TMEM132B: variants seen among roughly 807,000 people sequenced by gnomAD.
TMEM132B encodes the protein transmembrane protein 132B.
Under a neutral mutation model 90.8 loss-of-function variants are expected in TMEM132B, and 18 were observed. The observed-to-expected ratio is 0.20, with a 90% CI of 0.14 to 0.29. The LOEUF is 0.29. TMEM132B is among the 10% of genes least tolerant of loss of function. The probability of loss-of-function intolerance (pLI) is 1.00; values close to 1 mark genes in which losing one functional copy is unlikely to be tolerated. For missense variants in TMEM132B, 1,096 were observed against 1,326.8 expected, an observed-to-expected ratio of 0.83 and a Z score of 2.70; for synonymous variants, 504 against 523.3, an observed-to-expected ratio of 0.96 and a Z score of 0.50.
At chr12:125,592,518 G>A (rs542039234) in intron 5 of TMEM132B, among the ~76,000 whole-genome samples, 11 of 152,262 alleles carry the variant, frequency 7.2e-5, no homozygotes, top group Non-Finnish European at 1.0e-4. Context: ...TGAGGGGTAA[G>A]GTAAGGCAGT....
intron 5 of TMEM132B, among the ~76,000 whole-genome samples, chr12:125,614,816 T>G (rs1050313710): frequency 6.6e-6 from 1 of 152,186 alleles, no homozygotes; most frequent in African/African-American, 2.4e-5. Context: ...TCTAGGTAAC[T>G]TGCTTTCAGT....
intron 3 of TMEM132B, among the ~76,000 whole-genome samples, chr12:125,504,216 A>G (rs1212635501): frequency 6.6e-6 from 1 of 151,772 alleles, no homozygotes; most frequent in Non-Finnish European, 1.5e-5. Context: ...GGAAGGTTAC[A>G]AGAATTCTAA....
At chr12:125,533,460 C>A (rs111881731) in intron 4 of TMEM132B, among the ~76,000 whole-genome samples, 4 of 152,336 alleles carry the variant, frequency 2.6e-5, no homozygotes, top group African/African-American at 9.6e-5. Context: ...AGACAAACAG[C>A]GAGGGAATGT....
rs188226678 is a variant in TMEM132B at position 125,406,800 on chromosome 12, T to C, written c.960-8731T>C. Among the ~76,000 whole-genome samples, 292 of 152,264 alleles carry C rather than the reference T, an allele frequency of 1.9e-3. 1 individual carries two copies. Among genetic ancestry groups the C allele is most frequent in the Non-Finnish European group, 3.3e-3 (224 of 68,014 alleles). ...TCCCCAAGACCACCCTCAGGTTCAG[T>C]AATTTTCTAGAAGGACTCAAAGAAC... On this transcript the variant is annotated intron_variant, in intron 2 of 8. Transcript: ENST00000682704. This position sits in a 1 kb window ranked among gnomAD's most constrained non-coding sequence, Gnocchi z 8.3.
chr12:125,460,441 G>A lies in TMEM132B; in HGVS notation c.1106+44764G>A, dbSNP rs906821882. On this transcript the variant is annotated intron_variant, in intron 3 of 8. Transcript: ENST00000682704. This position sits in a 1 kb window ranked among gnomAD's most constrained non-coding sequence, Gnocchi z 4.4. ...CAGGAGGTGGAGGTTGCAGTGAGCCGAGATCATGCCATTGCACTCCAGCCT... is the reference window on the plus strand; with the variant it reads ...CAGGAGGTGGAGGTTGCAGTGAGCCAAGATCATGCCATTGCACTCCAGCCT... Among the ~76,000 whole-genome samples, 8 of 152,014 alleles carry A rather than the reference G, an allele frequency of 5.3e-5. No individual in the cohort carries two copies. The highest frequency in any genetic ancestry group is 1.9e-4 in the East Asian group (1 of 5,194).
chr12:125,407,397 C>T lies in TMEM132B; in HGVS notation c.960-8134C>T, dbSNP rs1286827054. On this transcript the variant is annotated intron_variant, in intron 2 of 8. Transcript: ENST00000682704. The surrounding 1 kb of genome is among the most constrained non-coding windows in gnomAD (Gnocchi z 6.7). ...AAAAGTGGCTGGTCTAAGTAGAAGA[C>T]AGAAAGATGCAGGTGTGTACTCACA... 6.6e-6 allele frequency among the ~76,000 whole-genome samples: 1 copy of T among 152,188 alleles called. No homozygotes were observed. Among genetic ancestry groups the T allele is most frequent in the Non-Finnish European group, 1.5e-5 (1 of 68,044 alleles).
intron 1 of TMEM132B, among the ~76,000 whole-genome samples, chr12:125,333,404 G>T (rs7977046): frequency 0.025 from 3,758 of 152,238 alleles, 157 homozygotes; most frequent in African/African-American, 0.086. Context: ...ATATCTTTTT[G>T]GGGGGACATT....
intron 8 of TMEM132B, 120 bp from the exon 9 acceptor site, chr12:125,653,444 AT>A (rs1206474136): frequency 4.3e-6 from 5 of 1,167,974 alleles, no homozygotes; most frequent in Non-Finnish European, 5.9e-6. Context: ...ACTGTTCAAG[AT>A]TATAAAACTA....
At chr12:125,225,275 A>C (rs1873651734) in intron 1 of TMEM132B, among the ~76,000 whole-genome samples, 1 of 152,254 alleles carries the variant, frequency 6.6e-6, no homozygotes, top group Non-Finnish European at 1.5e-5. Flanking sequence ...GTTACTGGCC[A>C]CGTAAGCAGG....
At chr12:125,305,441 A>AG (rs888509379) in intron 1 of TMEM132B, among the ~76,000 whole-genome samples, 39 of 149,750 alleles carry the variant, frequency 2.6e-4, no homozygotes, top group African/African-American at 5.1e-4. Context: ...AGCCCAGGGT[A>AG]GGGGGGGGAA....
At chr12:125,545,556 G>A (rs1049515946) in intron 4 of TMEM132B, among the ~76,000 whole-genome samples, 3 of 152,182 alleles carry the variant, frequency 2.0e-5, no homozygotes, top group Non-Finnish European at 4.4e-5. Context: ...TGCTGACACC[G>A]TCCTGTTTTA....
At chr12:125,630,148 T>A (rs374217595) in intron 5 of TMEM132B, among the ~76,000 whole-genome samples, 1 of 152,180 alleles carries the variant, frequency 6.6e-6, no homozygotes, top group Admixed American at 6.5e-5. Context: ...AATACTAGCC[T>A]TGTAAAATGA....
At chr12:125,435,014 T>G (rs184065148) in intron 3 of TMEM132B, among the ~76,000 whole-genome samples, 2 of 152,298 alleles carry the variant, frequency 1.3e-5, no homozygotes, top group Admixed American at 1.3e-4. Context: ...GAAAATCCCC[T>G]TTGTGGGGGC....
intron 3 of TMEM132B, among the ~76,000 whole-genome samples, chr12:125,435,628 C>T (rs1880677706): frequency 6.6e-6 from 1 of 152,194 alleles, no homozygotes; most frequent in Non-Finnish European, 1.5e-5. Flanking sequence ...AGTTTATATT[C>T]TAGTGGGAGG....
intron 3 of TMEM132B, among the ~76,000 whole-genome samples, chr12:125,469,990 A>C (rs1418466849): frequency 6.6e-6 from 1 of 151,876 alleles, no homozygotes; most frequent in Non-Finnish European, 1.5e-5. Flanking sequence ...CCAATATTAA[A>C]ATACAATTTA....
chr12:125,475,378 G>C (rs1283749432), intron 3 of TMEM132B, among the ~76,000 whole-genome samples: 3 of 152,172 alleles, frequency 2.0e-5, no homozygotes, highest in Non-Finnish European at 4.4e-5. Context: ...TTAATACTGA[G>C]TGTCAACTTG....
chr12:125,629,061 A>G (rs10846932), intron 5 of TMEM132B, among the ~76,000 whole-genome samples: 33,730 of 151,996 alleles, frequency 0.22, 4,119 homozygotes, highest in African/African-American at 0.3. Context: ...GCTCTGTAGT[A>G]TAATTTAAAG....
At chr12:125,242,259 C>T (rs994863298) in intron 1 of TMEM132B, among the ~76,000 whole-genome samples, 2 of 152,180 alleles carry the variant, frequency 1.3e-5, no homozygotes, top group East Asian at 1.9e-4. Context: ...CAAGAATCCT[C>T]CTGCCTCAGC....
chr12:125,222,173 G>A lies in TMEM132B; in HGVS notation c.67+35307G>A, dbSNP rs190491804. ...TAGAAAGGTGGGAAAGGGAGCAGTG[G>A]GTGTTTGTGACTCCCAGGGGACAAT... On this transcript the variant is annotated intron_variant, in intron 1 of 8. Coordinates refer to ENST00000682704, the MANE Select transcript of TMEM132B (RefSeq NM_001366854.1). 9.9e-5 allele frequency among the ~76,000 whole-genome samples: 15 copies of A among 152,232 alleles called. No homozygotes were observed. In the East Asian group the frequency reaches 2.9e-3, roughly 29 times the overall value.
Sources: allele counts gnomAD v4.1 joint callset (sites outside exome capture counted in the v4.1 genomes callset), GRCh38; gene constraint gnomAD v4.1.1; non-coding constraint Gnocchi (gnomAD v3.1); transcripts MANE v1.5; gene names NCBI Gene and HGNC (gene_info 2026-07-23, HGNC 2026-07-21).